The following TPO variants were observed in gnomAD, a reference collection of about 807,000 sequenced individuals.
TPO encodes the protein thyroid peroxidase.
Under a neutral mutation model 96.9 loss-of-function variants are expected in TPO, and 78 were observed. The ratio of observed to expected loss-of-function variants is 0.81; its 90% CI spans 0.67 to 0.97. The LOEUF (loss-of-function observed/expected upper bound fraction) is 0.97. Among genes scored for constraint, TPO ranks in the 50% least tolerant of loss-of-function variants. The pLI, the probability that TPO is intolerant of heterozygous loss-of-function variation, is 0.00. For synonymous variants in TPO, 547 were observed against 538.0 expected (o/e 1.02, Z -0.23); for missense variants, 1,252 against 1,274.8 (o/e 0.98, Z 0.27).
At chr2:1,502,589 C>T (rs1672984263) in intron 13 of TPO, among the ~76,000 whole-genome samples, 1 of 152,038 alleles carries the variant, frequency 6.6e-6, no homozygotes, top group African/African-American at 2.4e-5. Flanking sequence ...GGGATTTCAC[C>T]ATGTTGGCCA....
chr2:1,472,495 C>T (rs950089842), intron 7 of TPO, among the ~76,000 whole-genome samples: 3 of 152,176 alleles, frequency 2.0e-5, no homozygotes, highest in Non-Finnish European at 4.4e-5. Context: ...GCTGAGTACA[C>T]GTTCTGTATC....
At position 1,499,043 on chromosome 2, in the gene TPO, G is replaced by A. The variant is rs78906455; in HGVS notation, c.2386+2278G>A. Among the ~76,000 whole-genome samples the A allele has an allele frequency of 5.7e-3, 866 of 152,196 alleles. 5 individuals carry two copies. The highest frequency in any genetic ancestry group is 0.02 in the African/African-American group (834 of 41,504). On this transcript the variant is annotated intron_variant, in intron 13 of 16. Transcript: ENST00000329066. ...TCTCTCCTTGCCCAAATACCCAGAC[G>A]TTTCACGTGTCCATTTTAGCTTCAT...
At chr2:1,457,801 C>T (rs1228641108) in intron 7 of TPO, among the ~76,000 whole-genome samples, 2 of 151,318 alleles carry the variant, frequency 1.3e-5, no homozygotes, top group Non-Finnish European at 2.9e-5. Flanking sequence ...GTGTATATAG[C>T]ATGTATGATA....
intron 15 of TPO, among the ~76,000 whole-genome samples, chr2:1,537,824 AGCAACCTCCTCAAATCCCCCCACTGTGT>A (rs1392215453): frequency 3.0e-4 from 13 of 43,262 alleles, no homozygotes; most frequent in African/African-American, 1.0e-3. Flanking sequence ...CCCCACTGTG[AGCAACCTCCTCAAATCCCCCCACTGTGT>A]GCAATCTCAA....
chr2:1,509,689 G>A (rs1673872663), intron 14 of TPO, among the ~76,000 whole-genome samples: 1 of 84,920 alleles, frequency 1.2e-5, no homozygotes, highest in South Asian at 4.0e-4. Flanking sequence ...CACACTCTCT[G>A]GTTTCAGGCA....
Position 1,477,208 on chromosome 2 carries a change from G to A in TPO, c.942G>A (p.Arg314=). ...LFGNLSTANP[R]QQMNGLTSFL... is the part of the protein sequence containing the mutation. Reference sequence around the variant, plus strand: ...GGAACCTGTCCACGGCCAACCCGCGGCAGCAGATGAACGGGTTGACCTCGT... The same window carrying A: ...GGAACCTGTCCACGGCCAACCCGCGACAGCAGATGAACGGGTTGACCTCGT... The change falls in exon 8 of 17, where the codon CGG becomes CGA. Residue 314 remains arginine (R), a synonymous_variant. Transcript: ENST00000329066. 6.2e-7 allele frequency: 1 copy of A among 1,609,894 alleles called. No homozygotes were observed. The highest frequency in any genetic ancestry group is 1.7e-5 in the Admixed American group (1 of 59,706).
At position 1,453,822 on chromosome 2, in the gene TPO, C is replaced by T. The variant is rs746942915; in HGVS notation, c.611C>T (p.Pro204Leu). The T allele has an allele frequency of 1.3e-5, 21 of 1,613,612 alleles. No homozygotes were observed. The highest frequency in any genetic ancestry group is 3.3e-5 in the Admixed American group (2 of 60,010). The change falls in exon 6 of 17, where the codon CCG becomes CTG. Residue 204 changes from proline (P) to leucine (L), a missense_variant and splice_region_variant. Pro to Leu is a moderately conservative substitution (Grantham distance 98, BLOSUM62 -3). Transcript: ENST00000329066. ...GFLYNGFPLP[P>L]VREVTRHVIQ... ...TTGTACAACGGGTTCCCACTGCCCC[C>T]GGTGGGTACTCAGAACGCTACTATC...
intron 7 of TPO, among the ~76,000 whole-genome samples, chr2:1,466,228 C>G (rs150767926): frequency 0.071 from 10,784 of 152,136 alleles, 635 homozygotes; most frequent in African/African-American, 0.15. Context: ...TCCCTGCATC[C>G]CTGGTATGAA....
At chr2:1,421,599 A>G (rs985426641) in intron 2 of TPO, among the ~76,000 whole-genome samples, 3 of 152,204 alleles carry the variant, frequency 2.0e-5, no homozygotes. Flanking sequence ...ACCACAGAAT[A>G]CAAAATGTGA....
chr2:1,496,285 T>C, intron 12 of TPO, 88 bp downstream of exon 12: 1 of 1,497,610 alleles, frequency 6.7e-7, no homozygotes, highest in South Asian at 1.2e-5. Flanking sequence ...ATTTTAACTT[T>C]TCACTGTTTA....
intron 1 of TPO, among the ~76,000 whole-genome samples, chr2:1,400,235 G>C (rs183851355): frequency 6.6e-6 from 1 of 152,210 alleles, no homozygotes; most frequent in East Asian, 1.9e-4. Flanking sequence ...GCTCACGGCT[G>C]TAATCCCAGC....
chr2:1,396,970 T>C (rs1298446138), intron 1 of TPO, among the ~76,000 whole-genome samples: 1 of 152,212 alleles, frequency 6.6e-6, no homozygotes, highest in Non-Finnish European at 1.5e-5. Context: ...ATACTTGTTT[T>C]CAATGTATTC....
At chr2:1,447,114 C>A (rs1435483952) in intron 5 of TPO, among the ~76,000 whole-genome samples, 2 of 152,120 alleles carry the variant, frequency 1.3e-5, no homozygotes, top group Non-Finnish European at 2.9e-5. Context: ...CTAATCTGAC[C>A]GTGATGGGGA....
intron 3 of TPO, among the ~76,000 whole-genome samples, chr2:1,423,361 A>T (rs1218968880): frequency 6.6e-6 from 1 of 152,234 alleles, no homozygotes; most frequent in Non-Finnish European, 1.5e-5. Context: ...ATTAGCAATT[A>T]CGTATACCCT....
intron 1 of TPO, among the ~76,000 whole-genome samples, chr2:1,396,877 AG>A: frequency 6.6e-6 from 1 of 152,376 alleles, no homozygotes; most frequent in African/African-American, 2.4e-5. Context: ...GAAGTTTAAT[AG>A]ATGCGTTAAA....
chr2:1,409,942 C>G (rs530012232), upstream of TPO, among the ~76,000 whole-genome samples: 19 of 64,484 alleles, frequency 2.9e-4, no homozygotes, highest in East Asian at 5.9e-3. Flanking sequence ...GGTTACGGGG[C>G]AGGTGCGGTG....
intron 5 of TPO, among the ~76,000 whole-genome samples, chr2:1,449,413 G>T (rs7598233): frequency 0.45 from 68,228 of 151,686 alleles, 15,507 homozygotes; most frequent in South Asian, 0.58. Flanking sequence ...TTTGCATTTT[G>T]ACCTAATTCA....
At chr2:1,528,542 T>C (rs1219944940) in intron 15 of TPO, among the ~76,000 whole-genome samples, 19 of 128,808 alleles carry the variant, frequency 1.5e-4, no homozygotes, top group African/African-American at 6.1e-4. Context: ...CCTCCTCAAA[T>C]CCCTCCCACT....
At chr2:1,478,843 ACG>A (rs1670253664) in intron 8 of TPO, among the ~76,000 whole-genome samples, 1 of 149,782 alleles carries the variant, frequency 6.7e-6, no homozygotes, top group African/African-American at 2.5e-5. Context: ...CTGTCCTAAC[ACG>A]CATCCACACA....
Sources: gnomAD v4.1 joint callset for allele counts (sites outside exome capture counted in the v4.1 genomes callset) on GRCh38, gnomAD v4.1.1 for gene constraint, MANE v1.5 for transcripts, NCBI Gene and HGNC (gene_info 2026-07-23, HGNC 2026-07-21) for gene names.